LAYN: variants seen among roughly 807,000 people sequenced by gnomAD.
LAYN encodes layilin.
A neutral mutation model predicts 43.6 loss-of-function variants in LAYN; 38 were observed. The ratio of observed to expected loss-of-function variants is 0.87; its 90% CI spans 0.67 to 1.14. The LOEUF is 1.14. Ranked by LOEUF, LAYN falls within the 50% of genes most tolerant of loss-of-function variation. The pLI is 0.00. For missense variants in LAYN, 479 were observed against 463.8 expected (o/e 1.03, Z -0.30); for synonymous variants, 168 against 172.9 (o/e 0.97, Z 0.22).
chr11:111,543,643 A>T (rs1198136198), intron 1 of LAYN, among the ~76,000 whole-genome samples: 1 of 152,226 alleles, frequency 6.6e-6, no homozygotes, highest in East Asian at 1.9e-4. Flanking sequence ...TTCTCTTCTA[A>T]AGGACAGTCA....
In LAYN at chr11:111,555,157, C is replaced by T. The variant is rs573924946; in HGVS notation, c.575-50C>T. 1.6e-5 allele frequency: 22 copies of T among 1,394,034 alleles called. No homozygotes were observed. The South Asian group carries it at 2.4e-4, about 15-fold the overall frequency. The allele number at this position is 1,394,034 out of a possible 1,614,324, so 86.4% of individuals were successfully genotyped here. ...GAACATGGTAGGACCTCAAAGAATA[C>T]CTGAATTATGCCTTTCTTCAAGTTC... On this transcript the variant is annotated intron_variant, in intron 4 of 6. Coordinates refer to ENST00000375614, the MANE Select transcript of LAYN (RefSeq NM_178834.5).
intron 6 of LAYN, among the ~76,000 whole-genome samples, chr11:111,558,190 GT>G (rs1210639806): frequency 2.0e-5 from 3 of 152,114 alleles, no homozygotes; most frequent in Admixed American, 1.3e-4. Context: ...GGTCAGGATC[GT>G]GTGCCACTAT....
intron 1 of LAYN, among the ~76,000 whole-genome samples, chr11:111,543,446 C>A (rs570188166): frequency 1.3e-5 from 2 of 152,278 alleles, no homozygotes; most frequent in East Asian, 3.9e-4. Flanking sequence ...AGAGACTGGG[C>A]AAATTCTCAG....
chr11:111,553,679 CTG>C (rs1376803309), intron 3 of LAYN, among the ~76,000 whole-genome samples: 1 of 147,044 alleles, frequency 6.8e-6, no homozygotes, highest in Non-Finnish European at 1.5e-5. Context: ...CATTGTATAA[CTG>C]GGTTTTTTTA....
At chr11:111,551,263 G>A (rs1867739499) in intron 3 of LAYN, 2 of 450,834 alleles carry the variant, frequency 4.4e-6, no homozygotes, top group South Asian at 3.1e-5. Flanking sequence ...TGGGGGCATG[G>A]GGAATAAATA....
chr11:111,549,696 C>T lies in LAYN; in HGVS notation c.462C>T (p.Gly154=), dbSNP rs138825674. 1.8e-4 allele frequency: 287 copies of T among 1,604,850 alleles called. No homozygotes were observed. In the African/African-American group the frequency reaches 3.3e-3, roughly 18 times the overall value. The change falls in exon 3 of 7, where the codon GGC becomes GGT. Residue 154 remains glycine (G), a synonymous_variant. Coordinates refer to ENST00000375614, the MANE Select transcript of LAYN (RefSeq NM_178834.5). Reference sequence around the variant, plus strand: ...ACCATCAGCCATCGGCACCCGCTGGCATCGGAGGCCCCTACATGTTCCAGT... The same window carrying T: ...ACCATCAGCCATCGGCACCCGCTGGTATCGGAGGCCCCTACATGTTCCAGT... The part of the protein sequence containing the change: ...VMYHQPSAPA[G]IGGPYMFQWN...
intron 5 of LAYN, among the ~76,000 whole-genome samples, chr11:111,557,188 A>C (rs1001579448): frequency 3.3e-5 from 5 of 152,058 alleles, no homozygotes; most frequent in Admixed American, 2.0e-4. Context: ...GAAAAAAAAA[A>C]CAAAAAGCTT....
rs377674146 is a variant in LAYN at position 111,544,239 on chromosome 11, C to T, written c.383+19C>T. On this transcript the variant is annotated intron_variant, in intron 2 of 6. Transcript: ENST00000375614. ...AATTTAGGTAAGTGTGTGGAACCCA[C>T]AGCTGCTGACTCACTTGACATAACT... 3.8e-6 allele frequency: 6 copies of T among 1,595,962 alleles called. No homozygotes were observed. Among genetic ancestry groups the T allele is most frequent in the East Asian group, 2.2e-5 (1 of 44,710 alleles).
chr11:111,551,260 A>G, intron 3 of LAYN: 1 of 450,200 alleles, frequency 2.2e-6, no homozygotes, highest in Admixed American at 2.4e-5. Flanking sequence ...GGATGGGGGC[A>G]TGGGGAATAA....
Position 111,558,783 on chromosome 11 carries a change from A to ATAT in LAYN, c.761+1140_761+1141insTAT, listed in dbSNP as rs1555018587. Among the ~76,000 whole-genome samples the ATAT allele has an allele frequency of 3.2e-3, 453 of 143,130 alleles. 3 individuals carry two copies. The highest frequency in any genetic ancestry group is 0.011 in the African/African-American group (428 of 37,950). The allele number at this position is 143,130 out of a possible 152,430, so 93.9% of individuals were successfully genotyped here. Reference sequence around the variant, plus strand: ...TTTTATTTATTATTTTATTTAAAAAAATATATATATATATATATATTTGAG... The same window carrying ATAT: ...TTTTATTTATTATTTTATTTAAAAAATATATATATATATATATATATATTTGAG... On this transcript the variant is annotated intron_variant, in intron 6 of 6. Transcript: ENST00000375614.
chr11:111,554,420 C>CAGATTTA, intron 3 of LAYN, 141 bp from the exon 4 acceptor site: 1 of 676,284 alleles, frequency 1.5e-6, no homozygotes, highest in Non-Finnish European at 2.5e-6. Context: ...TAGCCCAGTT[C>CAGATTTA]CTGATATCTG....
intron 6 of LAYN, among the ~76,000 whole-genome samples, chr11:111,559,082 G>A (rs957755233): frequency 1.3e-5 from 2 of 151,952 alleles, no homozygotes; most frequent in South Asian, 2.1e-4. Flanking sequence ...CACCACACCC[G>A]GCCCAGTACA....
chr11:111,546,900 T>C (rs1274722398), intron 2 of LAYN, among the ~76,000 whole-genome samples: 1 of 152,206 alleles, frequency 6.6e-6, no homozygotes, highest in Non-Finnish European at 1.5e-5. Flanking sequence ...GATTCTGTCA[T>C]TGAGGCTTGT....
chr11:111,557,211 T>G (rs756027385), intron 5 of LAYN, among the ~76,000 whole-genome samples: 18 of 151,898 alleles, frequency 1.2e-4, no homozygotes, highest in Non-Finnish European at 2.4e-4. Flanking sequence ...TTAACAAAAG[T>G]GCCCTTCTGA....
chr11:111,542,581 G>A (rs1240975505), intron 1 of LAYN, among the ~76,000 whole-genome samples: 1 of 152,134 alleles, frequency 6.6e-6, no homozygotes, highest in Non-Finnish European at 1.5e-5. Context: ...GGCTCCCTGC[G>A]CAGCTGTAAA....
At chr11:111,545,183 A>G (rs1463964853) in intron 2 of LAYN, among the ~76,000 whole-genome samples, 1 of 152,046 alleles carries the variant, frequency 6.6e-6, no homozygotes, top group African/African-American at 2.4e-5. Flanking sequence ...CTCCTCCAGG[A>G]TTCTCATGAG....
chr11:111,548,027 G>A (rs2135794593), intron 2 of LAYN, among the ~76,000 whole-genome samples: 1 of 152,314 alleles, frequency 6.6e-6, no homozygotes, highest in African/African-American at 2.4e-5. Context: ...CATATATTTG[G>A]GGACTGGGGA....
chr11:111,549,645 C>A lies in LAYN; in HGVS notation c.411C>A (p.Cys137Ter), dbSNP rs746090960. The stretch of plus-strand genomic sequence containing the variant: ...ACTGGTATGTGGATGAGCCATCCTG[C>A]GGCAGCGAGGTCTGCGTGGTCATGT... ...FRNWYVDEPS[C>*]GSEVCVVMYH... The change falls in exon 3 of 7, where the codon TGC (cysteine) becomes TGA (stop). Residue 137 changes from cysteine (C) to a stop codon, truncating the protein, a stop_gained. Coordinates refer to ENST00000375614, the MANE Select transcript of LAYN (RefSeq NM_178834.5). LOFTEE classifies it high-confidence loss of function. 3 of 1,580,004 alleles carry A rather than the reference C, an allele frequency of 1.9e-6. No individual in the cohort carries two copies. Among genetic ancestry groups the A allele is most frequent in the Non-Finnish European group, 2.6e-6 (3 of 1,167,382 alleles).
At position 111,544,081 on chromosome 11, in the gene LAYN, A is replaced by T. The variant is rs1430069522; in HGVS notation, c.244A>T (p.Ile82Leu). The change falls in exon 2 of 7, where the codon ATA becomes TTA. Residue 82 changes from isoleucine (I) to leucine (L), a missense_variant. Coordinates refer to ENST00000375614, the MANE Select transcript of LAYN (RefSeq NM_178834.5). ...CGAGTCTGAAGATGAACAGAAACTGATAGAAAAGTTCATTGAAAACCTCTT... is the reference window on the plus strand; with the variant it reads ...CGAGTCTGAAGATGAACAGAAACTGTTAGAAAAGTTCATTGAAAACCTCTT... ...SIESEDEQKL[I>L]EKFIENLLPS... 1.2e-6 allele frequency: 2 copies of T among 1,614,194 alleles called. No individual in the cohort carries two copies. Among genetic ancestry groups the T allele is most frequent in the South Asian group, 2.2e-5 (2 of 91,074 alleles).
Sources: gnomAD v4.1 joint callset for allele counts (sites outside exome capture counted in the v4.1 genomes callset) on GRCh38, gnomAD v4.1.1 for gene constraint, MANE v1.5 for transcripts, NCBI Gene and HGNC (gene_info 2026-07-23, HGNC 2026-07-21) for gene names.